The following HSD17B11 variants were observed in gnomAD, a reference collection of about 807,000 sequenced individuals.
The protein encoded by HSD17B11 is estradiol 17-beta-dehydrogenase 11.
HSD17B11 carries 22 observed loss-of-function variants against 27.8 expected under a neutral mutation model. The ratio of observed to expected loss-of-function variants is 0.79; its 90% confidence interval spans 0.56 to 1.13. The LOEUF (loss-of-function observed/expected upper bound fraction) is 1.13, where lower values mean the gene tolerates loss of function less well. Ranked by LOEUF, HSD17B11 falls within the 50% of genes most tolerant of loss-of-function variation. The pLI, the probability that HSD17B11 is intolerant of heterozygous loss-of-function variation, is 0.00. For synonymous variants in HSD17B11, 117 were observed against 132.8 expected, an observed-to-expected ratio of 0.88 and a Z score of 0.82; for missense variants, 314 against 351.1, an observed-to-expected ratio of 0.89 and a Z score of 0.84.
intron 1 of HSD17B11, among the ~76,000 whole-genome samples, chr4:87,385,052 G>T (rs1720272306): frequency 6.6e-6 from 1 of 152,080 alleles, no homozygotes; most frequent in Non-Finnish European, 1.5e-5. Flanking sequence ...TTGGGGGCAG[G>T]TTCCCACAAT....
At chr4:87,358,050 C>T (rs1015111534) in intron 4 of HSD17B11, among the ~76,000 whole-genome samples, 16 of 146,054 alleles carry the variant, frequency 1.1e-4, no homozygotes, top group African/African-American at 2.8e-4. Context: ...CAAGCTCCGC[C>T]TCCCGGGTTC....
intron 2 of HSD17B11, among the ~76,000 whole-genome samples, chr4:87,379,551 A>G (rs948423948): frequency 6.8e-6 from 1 of 146,544 alleles, no homozygotes; most frequent in African/African-American, 2.5e-5. Flanking sequence ...TTATATACAT[A>G]TACATCTACA....
chr4:87,387,083 G>T, intron 1 of HSD17B11: 1 of 152,208 alleles, frequency 6.6e-6, no homozygotes, highest in Non-Finnish European at 1.5e-5. Flanking sequence ...CATGCAGAGC[G>T]CACCACAGTC....
intron 5 of HSD17B11, chr4:87,345,018 A>C (rs1324961897): frequency 6.6e-6 from 1 of 152,344 alleles, no homozygotes; most frequent in Non-Finnish European, 1.5e-5. Context: ...TAATCCCAGC[A>C]CTTTGGAGGC....
intron 1 of HSD17B11, among the ~76,000 whole-genome samples, chr4:87,385,265 A>G (rs972599027): frequency 2.0e-5 from 3 of 152,224 alleles, no homozygotes; most frequent in Admixed American, 2.0e-4. Flanking sequence ...AAAAGAAATG[A>G]ATTTCTGACA....
chr4:87,374,963 G>T (rs1735790699), intron 2 of HSD17B11, 133 bp from the exon 3 acceptor site: 1 of 552,104 alleles, frequency 1.8e-6, no homozygotes, highest in Non-Finnish European at 3.0e-6. Flanking sequence ...GCGAAATCTT[G>T]GCTCACTGCA....
rs921451389 is a variant in HSD17B11 at position 87,346,812 on chromosome 4, C to T, written c.696-6206G>A. Among the ~76,000 whole-genome samples, 228 of 151,980 alleles carry T rather than the reference C, an allele frequency of 1.5e-3. 6 individuals are homozygous for T. The highest frequency in any genetic ancestry group is 1.7e-3 in the Non-Finnish European group (115 of 67,994). ...GCAGCTCACGCCTATAGCCCAGCTA[C>T]TTGGGACACTGAGGCAAGATCAGCC... On this transcript the variant is annotated intron_variant, in intron 5 of 6. Coordinates refer to ENST00000358290, the MANE Select transcript of HSD17B11 (RefSeq NM_016245.5).
chr4:87,354,513 A>ATGCC (rs1017306491), intron 5 of HSD17B11, among the ~76,000 whole-genome samples: 2 of 151,862 alleles, frequency 1.3e-5, no homozygotes, highest in Non-Finnish European at 1.5e-5. Flanking sequence ...GTGGGGACAC[A>ATGCC]TGCCTGTATG....
chr4:87,359,211 G>T (rs1049982483), intron 4 of HSD17B11, among the ~76,000 whole-genome samples: 1 of 152,066 alleles, frequency 6.6e-6, no homozygotes, highest in Admixed American at 6.5e-5. Flanking sequence ...TTTATAGCAG[G>T]GTGAGAGGGG....
At chr4:87,357,251 A>C (rs745938280) in intron 5 of HSD17B11, 28 bp downstream of exon 5, 14 of 1,606,314 alleles carry the variant, frequency 8.7e-6, no homozygotes, top group Non-Finnish European at 7.6e-6. Flanking sequence ...GCAACCACCA[A>C]TCCTTTTGTC....
intron 5 of HSD17B11, chr4:87,345,331 A>T (rs1735250730): frequency 6.6e-6 from 1 of 152,166 alleles, no homozygotes; most frequent in Admixed American, 6.6e-5. Context: ...TCAGAGGCAA[A>T]TTTATAGCTG....
chr4:87,378,907 T>TATATATATATAAATATATATATAA (rs1560769403), intron 2 of HSD17B11, among the ~76,000 whole-genome samples: 2 of 16,930 alleles, frequency 1.2e-4, no homozygotes, highest in African/African-American at 7.3e-4. Context: ...TATATATAAA[T>TATATATATATAAATATATATATAA]ATATATATAT....
chr4:87,378,893 T>A lies in HSD17B11; in HGVS notation c.318+3362A>T, dbSNP rs1165098239. On this transcript the variant is annotated intron_variant, in intron 2 of 6. Coordinates refer to ENST00000358290, the MANE Select transcript of HSD17B11 (RefSeq NM_016245.5). The stretch of plus-strand genomic sequence containing the variant: ...ATATATATATATAAATATATATATA[T>A]AAATATATATAAATATATATATATA... 1.2e-3 allele frequency among the ~76,000 whole-genome samples: 18 copies of A among 14,800 alleles called. 1 individual carries two copies. Among genetic ancestry groups the A allele is most frequent in the African/African-American group, 1.5e-3 (4 of 2,738 alleles). 9.7% of individuals were successfully genotyped at this position (14,800 alleles called of 152,430 possible). A position where few individuals can be genotyped will look rare whatever the true frequency, so the allele number is the denominator to read the frequency against.
At chr4:87,342,336 C>T (rs976185007) in intron 5 of HSD17B11, among the ~76,000 whole-genome samples, 8 of 149,740 alleles carry the variant, frequency 5.3e-5, no homozygotes, top group East Asian at 3.9e-4. Flanking sequence ...GACCCAAGAT[C>T]GTGCCACTGC....
At chr4:87,375,396 AT>A (rs1206554537) in intron 2 of HSD17B11, among the ~76,000 whole-genome samples, 1 of 152,212 alleles carries the variant, frequency 6.6e-6, no homozygotes, top group Non-Finnish European at 1.5e-5. Context: ...ATCAAGAGGC[AT>A]TTGGCTAAGT....
intron 4 of HSD17B11, among the ~76,000 whole-genome samples, chr4:87,370,285 G>A (rs1419203554): frequency 6.6e-6 from 1 of 152,208 alleles, no homozygotes; most frequent in African/African-American, 2.4e-5. Context: ...ATAACAGGAA[G>A]TGGAATTGAA....
intron 4 of HSD17B11, among the ~76,000 whole-genome samples, chr4:87,361,139 G>T (rs1735505194): frequency 6.6e-6 from 1 of 152,074 alleles, no homozygotes; most frequent in African/African-American, 2.4e-5. Flanking sequence ...TGACATAGGA[G>T]GTCAGTACAA....
At chr4:87,346,744 C>A (rs1287430261) in intron 5 of HSD17B11, among the ~76,000 whole-genome samples, 1 of 151,850 alleles carries the variant, frequency 6.6e-6, no homozygotes, top group Non-Finnish European at 1.5e-5. Flanking sequence ...TGTTTTTTTC[C>A]TATCATACTG....
intron 2 of HSD17B11, among the ~76,000 whole-genome samples, chr4:87,379,371 C>G (rs1720064956): frequency 6.6e-6 from 1 of 150,912 alleles, no homozygotes; most frequent in Non-Finnish European, 1.5e-5. Flanking sequence ...GGGTTTCACT[C>G]TGAACGCATT....
Sources: gnomAD v4.1 joint callset for allele counts (sites outside exome capture counted in the v4.1 genomes callset) on GRCh38, gnomAD v4.1.1 for gene constraint, MANE v1.5 for transcripts, NCBI Gene and HGNC (gene_info 2026-07-23, HGNC 2026-07-21) for gene names.